Variants in ATF2 observed in about 807,000 individuals in gnomAD.
The protein encoded by ATF2 is cyclic AMP-dependent transcription factor ATF-2.
ATF2 carries 24 observed loss-of-function variants against 60.6 expected under a neutral mutation model. The ratio of observed to expected loss-of-function variants is 0.40; its 90% CI spans 0.29 to 0.56. ATF2 has a LOEUF of 0.56. Among genes scored for constraint, ATF2 ranks in the 20% least tolerant of loss-of-function variants. ATF2 has a pLI of 0.54. For synonymous variants in ATF2, 206 were observed against 215.4 expected (o/e 0.96, Z 0.38); for missense variants, 433 against 607.7 (o/e 0.71, Z 3.02).
intron 5 of ATF2, among the ~76,000 whole-genome samples, chr2:175,120,701 T>C (rs1050206151): frequency 1.3e-5 from 2 of 151,710 alleles, no homozygotes; most frequent in Non-Finnish European, 3.0e-5. Context: ...GAAATTTATA[T>C]AGTTTTGTTT....
intron 11 of ATF2, 82 bp from the exon 12 acceptor site, chr2:175,093,349 GA>G: frequency 7.5e-7 from 1 of 1,332,102 alleles, no homozygotes; most frequent in Non-Finnish European, 1.0e-6. Flanking sequence ...GTCAAAGGGG[GA>G]GAGCAACTGT....
rs138146408 is a variant in ATF2, at chr2:175,159,297, C to T, written c.-142-8139G>A. ...ACCTACCACTGTACTCCAGCCTGCGCGACAGAGCAAGACTCCGTCTCAAAA... is the reference window on the plus strand; with the variant it reads ...ACCTACCACTGTACTCCAGCCTGCGTGACAGAGCAAGACTCCGTCTCAAAA... On this transcript the variant is annotated intron_variant, in intron 1 of 13. Transcript: ENST00000264110. Among the ~76,000 whole-genome samples, 87 of 150,836 alleles carry T rather than the reference C, an allele frequency of 5.8e-4. No individual in the cohort carries two copies. In the East Asian group the frequency reaches 8.3e-3, roughly 14 times the overall value.
chr2:175,108,710 C>T (rs965018117), intron 10 of ATF2, among the ~76,000 whole-genome samples: 4 of 152,094 alleles, frequency 2.6e-5, no homozygotes, highest in Non-Finnish European at 5.9e-5. Flanking sequence ...GCCATGATGA[C>T]GATGGCGGTT....
At chr2:175,096,185 T>C (rs1694921556) in intron 11 of ATF2, among the ~76,000 whole-genome samples, 1 of 152,228 alleles carries the variant, frequency 6.6e-6, no homozygotes, top group South Asian at 2.1e-4. Flanking sequence ...AAGGTCTAAA[T>C]AGAATTCTGA....
rs1693195305 is a variant in ATF2, at chr2:175,074,975, T to C, written c.1292-140A>G. ...CAAGTTGGTATTACAGCAATTGATA[T>C]AGGTCATGAAGTAGGCAATTTTACC... On this transcript the variant is annotated intron_variant, in intron 13 of 13. Transcript: ENST00000264110. 13 of 1,519,878 alleles carry C rather than the reference T, an allele frequency of 8.6e-6. No homozygotes were observed. In the Admixed American group the frequency reaches 9.9e-5, roughly 12 times the overall value. 94.1% of individuals were successfully genotyped at this position (1,519,878 alleles called of 1,614,324 possible).
chr2:175,083,503 T>C (rs1693916344), intron 12 of ATF2, among the ~76,000 whole-genome samples: 1 of 152,206 alleles, frequency 6.6e-6, no homozygotes, highest in South Asian at 2.1e-4. Context: ...TCAAGATGGA[T>C]TAAAGACTTT....
chr2:175,086,861 T>A (rs1256691952), intron 12 of ATF2, among the ~76,000 whole-genome samples: 3 of 152,212 alleles, frequency 2.0e-5, no homozygotes, highest in Admixed American at 1.3e-4. Context: ...ATTTTAATTC[T>A]GAAATCTTTC....
At chr2:175,115,712 T>C (rs1261282421) in intron 7 of ATF2, among the ~76,000 whole-genome samples, 1 of 152,184 alleles carries the variant, frequency 6.6e-6, no homozygotes, top group African/African-American at 2.4e-5. Flanking sequence ...TGAGAACTTA[T>C]GCTCCCAAGG....
intron 11 of ATF2, 131 bp downstream of exon 11, chr2:175,097,313 C>A: frequency 7.7e-7 from 1 of 1,300,496 alleles, no homozygotes; most frequent in Admixed American, 2.4e-5. Context: ...GCTACCTTTT[C>A]CTGAGGCTTT....
intron 2 of ATF2, among the ~76,000 whole-genome samples, chr2:175,146,321 G>A (rs1001784553): frequency 5.3e-5 from 8 of 151,968 alleles, no homozygotes; most frequent in East Asian, 1.9e-4. Flanking sequence ...GATTCTAGAC[G>A]GAATCCTTTT....
At chr2:175,142,833 AGAGT>A (rs1391881424) in intron 2 of ATF2, among the ~76,000 whole-genome samples, 8 of 150,098 alleles carry the variant, frequency 5.3e-5, no homozygotes, top group African/African-American at 2.0e-4. Flanking sequence ...AGCAAGAGAG[AGAGT>A]GTGTGTGTGT....
intron 11 of ATF2, among the ~76,000 whole-genome samples, chr2:175,097,174 A>G (rs934825409): frequency 2.6e-5 from 4 of 152,252 alleles, no homozygotes; most frequent in Non-Finnish European, 5.9e-5. Context: ...TAAAATCAAC[A>G]GAAAAAGATG....
At chr2:175,130,783 G>T (rs765284860) in intron 3 of ATF2, among the ~76,000 whole-genome samples, 3 of 152,110 alleles carry the variant, frequency 2.0e-5, no homozygotes, top group Non-Finnish European at 2.9e-5. Context: ...CAGCCTCAGG[G>T]AATCTCTCCT....
intron 5 of ATF2, among the ~76,000 whole-genome samples, chr2:175,119,499 T>C (rs1696805519): frequency 6.6e-6 from 1 of 151,608 alleles, no homozygotes; most frequent in African/African-American, 2.4e-5. Context: ...CTAGTATTTT[T>C]ACTATGTACA....
At chr2:175,137,897 C>T (rs1014128341) in intron 2 of ATF2, among the ~76,000 whole-genome samples, 3 of 152,136 alleles carry the variant, frequency 2.0e-5, no homozygotes, top group African/African-American at 4.8e-5. Context: ...GAGACAGAAA[C>T]GATAACAATT....
At chr2:175,091,766 G>A (rs1329031843) in intron 12 of ATF2, among the ~76,000 whole-genome samples, 1 of 152,208 alleles carries the variant, frequency 6.6e-6, no homozygotes, top group Admixed American at 6.5e-5. Context: ...GGGAGGCTGA[G>A]GCAGGAGAAT....
At chr2:175,149,687 G>C (rs1699181465) in intron 2 of ATF2, among the ~76,000 whole-genome samples, 2 of 152,120 alleles carry the variant, frequency 1.3e-5, no homozygotes, top group East Asian at 1.9e-4. Flanking sequence ...CAGCTCACAG[G>C]ATAGTCTCAA....
rs370383045 is a variant in ATF2 at position 175,154,592 on chromosome 2, A to AT, written c.-142-3435dup. On this transcript the variant is annotated intron_variant, in intron 1 of 13. Transcript: ENST00000264110. The stretch of plus-strand genomic sequence containing the variant: ...ATTACATACTGTACGTAATTGTGCT[A>AT]TTTTTTCCTTGTCTTAATGAAAGAC... Among the ~76,000 whole-genome samples, 786 of 152,214 alleles carry AT rather than the reference A, an allele frequency of 5.2e-3. 9 individuals are homozygous for AT. Among genetic ancestry groups the AT allele is most frequent in the African/African-American group, 0.018 (761 of 41,528 alleles).
intron 1 of ATF2, among the ~76,000 whole-genome samples, chr2:175,156,630 T>A (rs1699706404): frequency 6.6e-6 from 1 of 151,954 alleles, no homozygotes; most frequent in Admixed American, 6.6e-5. Flanking sequence ...TCATAGCCAG[T>A]AAGGAAAGAG....
Sources: gnomAD v4.1 joint callset for allele counts (sites outside exome capture counted in the v4.1 genomes callset) on GRCh38, gnomAD v4.1.1 for gene constraint, MANE v1.5 for transcripts, NCBI Gene and HGNC (gene_info 2026-07-23, HGNC 2026-07-21) for gene names.